Variants in PCDHA5 observed in about 807,000 individuals in gnomAD.
PCDHA5 encodes the protein protocadherin alpha 5.
PCDHA5 carries 43 observed loss-of-function variants against 61.6 expected under a neutral mutation model. The observed-to-expected ratio is 0.70, with a 90% CI of 0.55 to 0.90. The LOEUF is 0.90. PCDHA5 is among the 40% of genes least tolerant of loss of function. PCDHA5 has a pLI of 0.00. For missense variants in PCDHA5, 1,298 were observed against 1,222.7 expected (o/e 1.06, Z -0.92); for synonymous variants, 627 against 543.9 (o/e 1.15, Z -2.13).
chr5:140,888,270 G>A (rs965190959), intron 1 of PCDHA5, among the ~76,000 whole-genome samples: 9 of 152,102 alleles, frequency 5.9e-5, no homozygotes. Flanking sequence ...ATAAGAAACA[G>A]TTTTGTCCCC....
intron 2 of PCDHA5, among the ~76,000 whole-genome samples, chr5:140,979,611 C>T (rs549836811): frequency 5.9e-5 from 9 of 152,266 alleles, no homozygotes; most frequent in South Asian, 2.1e-4. Flanking sequence ...CCTAGAGTAA[C>T]GGTATTAGTC....
intron 1 of PCDHA5, among the ~76,000 whole-genome samples, chr5:140,889,237 A>C (rs1181963973): frequency 6.6e-6 from 1 of 151,844 alleles, no homozygotes; most frequent in Non-Finnish European, 1.5e-5. Context: ...AACTTCCAGA[A>C]AATTTTCTGT....
intron 1 of PCDHA5, chr5:140,829,722 C>T: frequency 6.2e-7 from 1 of 1,613,622 alleles, no homozygotes; most frequent in East Asian, 2.2e-5. Context: ...GGCGTGCCGC[C>T]TCTGGGCAGC....
intron 1 of PCDHA5, chr5:140,966,461 C>A: frequency 2.3e-6 from 1 of 429,006 alleles, no homozygotes; most frequent in East Asian, 3.5e-5. Flanking sequence ...CCCCCTCTGT[C>A]TTCCCTTCTG....
In PCDHA5 at chr5:140,869,132, G is replaced by GCA. The variant is rs782288889; in HGVS notation, c.2352+45007_2352+45008dup. On this transcript the variant is annotated intron_variant, in intron 1 of 3. Transcript: ENST00000529859. ...TTTGGTTTTCAGAGAAGGGGATTGG[G>GCA]CACCCCACGACTACAGCTCTGGCTT... The GCA allele has an allele frequency of 1.9e-6, 3 of 1,612,054 alleles. No homozygotes were observed. The Admixed American group carries it at 5.0e-5, about 27-fold the overall frequency.
chr5:140,875,265 T>C, intron 1 of PCDHA5: 1 of 1,201,060 alleles, frequency 8.3e-7, no homozygotes, highest in Admixed American at 3.0e-5. Flanking sequence ...GATGTCGCTC[T>C]ACACTCAGAA....
intron 1 of PCDHA5, chr5:140,834,468 G>A: frequency 6.2e-7 from 1 of 1,614,146 alleles, no homozygotes; most frequent in Non-Finnish European, 8.5e-7. Flanking sequence ...GGCAGGGAGA[G>A]GCCAGCTCCA....
intron 3 of PCDHA5, among the ~76,000 whole-genome samples, chr5:140,985,288 A>G (rs1007960248): frequency 1.3e-5 from 2 of 152,112 alleles, no homozygotes; most frequent in African/African-American, 4.8e-5. Flanking sequence ...AATCTATGAT[A>G]TAGTGTTGGC....
chr5:140,871,152 G>A (rs376980257), intron 1 of PCDHA5: 4 of 1,613,318 alleles, frequency 2.5e-6, no homozygotes, highest in South Asian at 1.1e-5. Context: ...GGACTTTGGC[G>A]GGCGCCGCGA....
Position 140,821,942 on chromosome 5 carries a change from C to T in PCDHA5, c.167C>T (p.Ala56Val), listed in dbSNP as rs2150112175. ...GCGCAGGACCTAGGGCTGGAGCTGG[C>T]GGAGCTGGTGCCGCGCCTGTTCCGG... ...RIAQDLGLEL[A>V]ELVPRLFRVA... The change falls in exon 1 of 4, where the codon GCG becomes GTG. Residue 56 changes from alanine to valine, a missense_variant. Transcript: ENST00000529859. 3 of 1,614,132 alleles carry T rather than the reference C, an allele frequency of 1.9e-6. No homozygotes were observed. Among genetic ancestry groups the T allele is most frequent in the Admixed American group, 1.7e-5 (1 of 60,026 alleles).
At chr5:140,961,591 T>C (rs1280839822) in intron 1 of PCDHA5, among the ~76,000 whole-genome samples, 1 of 152,190 alleles carries the variant, frequency 6.6e-6, no homozygotes, top group African/African-American at 2.4e-5. Flanking sequence ...ATTTTGGCAA[T>C]GATTCTAGTA....
chr5:140,864,968 G>C (rs1354647495), intron 1 of PCDHA5: 1 of 152,146 alleles, frequency 6.6e-6, no homozygotes, highest in Non-Finnish European at 1.5e-5. Flanking sequence ...GAAGCCGAGG[G>C]AGGAGGATCG....
intron 1 of PCDHA5, among the ~76,000 whole-genome samples, chr5:140,901,039 A>G (rs1317910770): frequency 4.6e-5 from 7 of 152,086 alleles, no homozygotes; most frequent in Non-Finnish European, 8.8e-5. Flanking sequence ...TCTTTTGCCC[A>G]TTTTAAAATT....
In PCDHA5 at chr5:140,843,131, A is replaced by T. The variant is rs1778597379; in HGVS notation, c.2352+19004A>T. 3 of 1,596,044 alleles carry T rather than the reference A, an allele frequency of 1.9e-6. No homozygotes were observed. The African/African-American group carries it at 4.0e-5, about 21-fold the overall frequency. On this transcript the variant is annotated intron_variant, in intron 1 of 3. Coordinates refer to ENST00000529859, the MANE Select transcript of PCDHA5 (RefSeq NM_018908.3). ...CGCAGTGGACGCCGACTCGGGCTAC[A>T]ACGCGTGGCTTTCGTATGAGCTGCA...
intron 1 of PCDHA5, among the ~76,000 whole-genome samples, chr5:140,871,887 G>T (rs1294459270): frequency 6.6e-6 from 1 of 152,170 alleles, no homozygotes; most frequent in Non-Finnish European, 1.5e-5. Flanking sequence ...GCTCCTCTTT[G>T]TCTTTTAGCA....
intron 1 of PCDHA5, chr5:140,830,284 G>A (rs536478075): frequency 3.1e-6 from 5 of 1,613,734 alleles, no homozygotes; most frequent in Admixed American, 1.7e-5. Context: ...CCGAGGGCGC[G>A]TGCACGGCGG....
chr5:140,822,099 C>A lies in PCDHA5; in HGVS notation c.324C>A (p.Ile108=). ...RAECSIHLEV[I]VDRPLQVFHV... is the part of the protein sequence containing the mutation. ...AGTGCAGCATCCACCTGGAGGTGAT[C>A]GTGGACAGGCCGCTGCAGGTTTTCC... The change falls in exon 1 of 4, where the codon ATC becomes ATA. Residue 108 remains isoleucine, a synonymous_variant. Coordinates refer to ENST00000529859, the MANE Select transcript of PCDHA5 (RefSeq NM_018908.3). 1 of 1,614,206 alleles carries A rather than the reference C, an allele frequency of 6.2e-7. No individual in the cohort carries two copies. The highest frequency in any genetic ancestry group is 8.5e-7 in the Non-Finnish European group (1 of 1,180,044).
chr5:140,870,910 A>G (rs2052532769), intron 1 of PCDHA5: 1 of 1,613,930 alleles, frequency 6.2e-7, no homozygotes, highest in South Asian at 1.1e-5. Context: ...CTCAGGCTAC[A>G]ACGCGTGGCT....
At chr5:140,880,926 G>C (rs1554171610) in intron 1 of PCDHA5, among the ~76,000 whole-genome samples, 1 of 152,192 alleles carries the variant, frequency 6.6e-6, no homozygotes, top group African/African-American at 2.4e-5. Context: ...TACTATGTTA[G>C]TAAAAGTAAT....
Sources: gnomAD v4.1 joint callset for allele counts (sites outside exome capture counted in the v4.1 genomes callset) on GRCh38, gnomAD v4.1.1 for gene constraint, MANE v1.5 for transcripts, NCBI Gene and HGNC (gene_info 2026-07-23, HGNC 2026-07-21) for gene names.